Variants in AFAP1L2 observed in about 807,000 individuals in gnomAD.
The protein encoded by AFAP1L2 is actin filament associated protein 1 like 2.
A neutral mutation model predicts 99.3 loss-of-function variants in AFAP1L2; 46 were observed. The observed-to-expected ratio is 0.46, with a 90% CI of 0.37 to 0.59. The LOEUF is 0.59. AFAP1L2 is among the 20% of genes least tolerant of loss of function. The probability of loss-of-function intolerance (pLI) is 0.00; values close to 1 mark genes in which losing one functional copy is unlikely to be tolerated. For synonymous variants in AFAP1L2, 397 were observed against 419.1 expected, an observed-to-expected ratio of 0.95 and a Z score of 0.64; for missense variants, 959 against 1,034.9, an observed-to-expected ratio of 0.93 and a Z score of 1.01.
chr10:114,307,429 C>T (rs2042603268), intron 10 of AFAP1L2, among the ~76,000 whole-genome samples: 1 of 151,972 alleles, frequency 6.6e-6, no homozygotes, highest in Non-Finnish European at 1.5e-5. Flanking sequence ...ATCATCACCT[C>T]CCTCAGGCAG....
intron 10 of AFAP1L2, 70 bp from the exon 11 acceptor site, chr10:114,305,000 G>T: frequency 7.9e-7 from 1 of 1,260,710 alleles, no homozygotes. Flanking sequence ...GGAGGGGGCG[G>T]GGCTTCGGGA....
the AFAP1L2 span, chr10:114,289,294 A>C: frequency 6.2e-7 from 1 of 1,613,608 alleles, no homozygotes; most frequent in East Asian, 2.2e-5. Flanking sequence ...CACAGGCGGG[A>C]GAGGCGCAGA....
At chr10:114,337,862 T>C (rs150226423) in intron 2 of AFAP1L2, among the ~76,000 whole-genome samples, 7 of 152,286 alleles carry the variant, frequency 4.6e-5, no homozygotes, top group African/African-American at 1.7e-4. Context: ...AGGATTCCAC[T>C]GATGAATCCT....
chr10:114,281,669 TG>T, the AFAP1L2 span: 1 of 927,298 alleles, frequency 1.1e-6, no homozygotes, highest in Non-Finnish European at 1.3e-6. Flanking sequence ...ACTTGTTGTG[TG>T]GACCAGATAG....
intron 16 of AFAP1L2, 34 bp downstream of exon 16, chr10:114,299,226 G>A (rs1408761590): frequency 1.2e-6 from 2 of 1,612,694 alleles, no homozygotes; most frequent in Non-Finnish European, 1.7e-6. Context: ...GGCCCTCTGA[G>A]CTGAGGGTCC....
downstream of AFAP1L2, chr10:114,290,053 G>T: frequency 1.6e-6 from 1 of 614,746 alleles, no homozygotes; most frequent in Non-Finnish European, 2.7e-6. Flanking sequence ...GACTCTCCAT[G>T]AGTCTGTAGG....
downstream of AFAP1L2, among the ~76,000 whole-genome samples, chr10:114,292,445 CTA>C (rs1426540136): frequency 6.6e-6 from 1 of 151,678 alleles, no homozygotes; most frequent in Non-Finnish European, 1.5e-5. Flanking sequence ...CTTACGCTGT[CTA>C]GGTTTTAATT....
intron 1 of AFAP1L2, among the ~76,000 whole-genome samples, chr10:114,346,884 C>T (rs1251221560): frequency 1.3e-5 from 2 of 152,164 alleles, no homozygotes; most frequent in Middle Eastern, 3.2e-3. Context: ...TCCAGATGAC[C>T]TCCTCCCCCA....
At chr10:114,285,305 A>G in the AFAP1L2 span, among the ~76,000 whole-genome samples, 1 of 152,176 alleles carries the variant, frequency 6.6e-6, no homozygotes, top group Non-Finnish European at 1.5e-5. Context: ...TTTCTTCTCT[A>G]TTCTATGAAA....
the AFAP1L2 span, chr10:114,286,326 C>T: frequency 1.2e-5 from 19 of 1,612,152 alleles, no homozygotes; most frequent in Middle Eastern, 1.7e-4. Context: ...GATGAGGTTG[C>T]GGGCCCAGCG....
chr10:114,287,261 G>T, the AFAP1L2 span, among the ~76,000 whole-genome samples: 9 of 152,256 alleles, frequency 5.9e-5, no homozygotes, highest in African/African-American at 2.2e-4. Flanking sequence ...GCTCACTGCA[G>T]CCTTGAACTC....
chr10:114,344,169 A>C (rs2049176321), intron 1 of AFAP1L2, among the ~76,000 whole-genome samples: 1 of 152,180 alleles, frequency 6.6e-6, no homozygotes, highest in Admixed American at 6.5e-5. Flanking sequence ...GAAAGAATAA[A>C]GCATGTTCTC....
upstream of AFAP1L2, chr10:114,404,524 C>A (rs2058548395): frequency 1.3e-6 from 2 of 1,495,940 alleles, no homozygotes; most frequent in Non-Finnish European, 1.8e-6. Context: ...GCTCAGCGCC[C>A]AGGCCGCCGC....
upstream of AFAP1L2, chr10:114,404,759 C>T: frequency 6.3e-6 from 2 of 316,176 alleles, no homozygotes; most frequent in Non-Finnish European, 1.1e-5. Flanking sequence ...CTTGGCACTC[C>T]CTTCACGTCT....
At chr10:114,367,023 T>C (rs545020285) in intron 1 of AFAP1L2, among the ~76,000 whole-genome samples, 10 of 152,250 alleles carry the variant, frequency 6.6e-5, no homozygotes, top group Admixed American at 5.2e-4. Context: ...GCCTCCTCCA[T>C]GTGTTTTCAT....
At chr10:114,337,574 C>A (rs1457611228) in intron 2 of AFAP1L2, among the ~76,000 whole-genome samples, 1 of 152,186 alleles carries the variant, frequency 6.6e-6, no homozygotes, top group Non-Finnish European at 1.5e-5. Context: ...CAGCTTCCCA[C>A]CCCCTACGAG....
Position 114,322,271 on chromosome 10 carries a change from G to A in AFAP1L2, c.406+900C>T, listed in dbSNP as rs2045482851. 3.3e-5 allele frequency among the ~76,000 whole-genome samples: 5 copies of A among 152,236 alleles called. No homozygotes were observed. In the South Asian group the frequency reaches 1.0e-3, roughly 32 times the overall value. Reference sequence around the variant, plus strand: ...GAGCACAGAGTAATACACTAAGTTAGGTCAGTCCCTAAGTAACCCTCTGGA... The same window carrying A: ...GAGCACAGAGTAATACACTAAGTTAAGTCAGTCCCTAAGTAACCCTCTGGA... On this transcript the variant is annotated intron_variant, in intron 5 of 18. Transcript: ENST00000304129.
chr10:114,307,926 GAAAGCAATTCGTATTGC>G lies in AFAP1L2; in HGVS notation c.968-34_968-18del. 1 of 1,610,928 alleles carries G rather than the reference GAAAGCAATTCGTATTGC, an allele frequency of 6.2e-7. No homozygotes were observed. Among genetic ancestry groups the G allele is most frequent in the Non-Finnish European group, 8.5e-7 (1 of 1,177,202 alleles). On this transcript the variant is annotated intron_variant, in intron 9 of 18. Coordinates refer to ENST00000304129, the MANE Select transcript of AFAP1L2 (RefSeq NM_001001936.3). ...TCTTCTTGACTGTCAAGATGAGACA[GAAAGCAATTCGTATTGC>G]ACGTGGTCCACCCACGTGCCCATGA...
chr10:114,296,997 G>C lies in AFAP1L2; in HGVS notation c.2411C>G (p.Thr804Ser). 6.2e-7 allele frequency: 1 copy of C among 1,614,228 alleles called. No homozygotes were observed. Among genetic ancestry groups the C allele is most frequent in the Non-Finnish European group, 8.5e-7 (1 of 1,180,040 alleles). Residue 804 changes from threonine (T) to serine (S), a missense_variant, in exon 18 of 19, where the codon ACT becomes AGT. By Grantham distance (58) the Thr-to-Ser change is moderately conservative. This residue lies in a region of AFAP1L2 where 576 missense variants were observed against 562.1 expected (regional missense o/e 1.02). Transcript: ENST00000304129. ...GCTTACCTTGGCTTTCTGGAGTACA[G>C]TGCCTTTGCCTGTGACCACGACCGA... Reference protein sequence around the residue: ...PLSVVVTGKGTVLQKAKEWEK... With the variant: ...PLSVVVTGKGSVLQKAKEWEK...
Sources: gnomAD v4.1 joint callset for allele counts (sites outside exome capture counted in the v4.1 genomes callset) on GRCh38, gnomAD v4.1.1 for gene constraint, gnomAD v4.1.1 regional missense constraint, MANE v1.5 for transcripts, NCBI Gene and HGNC (gene_info 2026-07-23, HGNC 2026-07-21) for gene names.